The following CORO7 variants were observed in gnomAD, a reference collection of about 807,000 sequenced individuals.
CORO7 encodes the protein coronin-7.
CORO7 carries 107 observed loss-of-function variants against 126.6 expected under a neutral mutation model. The observed-to-expected ratio is 0.85, with a 90% CI of 0.72 to 0.99. The LOEUF is 0.99. Among genes scored for constraint, CORO7 ranks in the 50% least tolerant of loss-of-function variants. The probability of loss-of-function intolerance (pLI) is 0.00; values close to 1 mark genes in which losing one functional copy is unlikely to be tolerated. For synonymous variants in CORO7, 603 were observed against 536.8 expected (o/e 1.12, Z -1.70); for missense variants, 1,314 against 1,255.8 (o/e 1.05, Z -0.70).
rs1307501673 is a variant in CORO7, at chr16:4,412,429, A to C, written c.159T>G (p.Gly53=). ...CTTGCAGAGGCACAATGCCCAGTACACCTGTTAAACAAACACGGGGACTCT... is the reference window on the plus strand; with the variant it reads ...CTTGCAGAGGCACAATGCCCAGTACCCCTGTTAAACAAACACGGGGACTCT... ...SLIAFNSDRP[G]VLGIVPLQGQ... is the part of the protein sequence containing the mutation. The change falls in exon 3 of 28, where the codon GGT becomes GGG. Residue 53 remains glycine (G), a splice_region_variant and synonymous_variant. Transcript: ENST00000251166. 1.9e-6 allele frequency: 3 copies of C among 1,614,008 alleles called. No individual in the cohort carries two copies. Among genetic ancestry groups the C allele is most frequent in the Admixed American group, 3.3e-5 (2 of 59,998 alleles).
rs1006144665 is a variant in CORO7 at position 4,355,065 on chromosome 16, G to C, written c.*93C>G. 6 of 1,371,092 alleles carry C rather than the reference G, an allele frequency of 4.4e-6. No homozygotes were observed. The allele number at this position is 1,371,092 out of a possible 1,614,324, so 84.9% of individuals were successfully genotyped here. A position where few individuals can be genotyped will look rare whatever the true frequency, so the allele number is the denominator to read the frequency against. The stretch of plus-strand genomic sequence containing the variant: ...GGAGTGCAGGGGTGACATGTGCCGG[G>C]GCCAGAGAGGTATCTTCCAGCTTGA... On this transcript the variant is annotated 3_prime_UTR_variant, in exon 28 of 28. Transcript: ENST00000251166.
intron 9 of CORO7, among the ~76,000 whole-genome samples, chr16:4,369,003 A>C (rs1033996411): frequency 3.3e-5 from 5 of 152,170 alleles, no homozygotes; most frequent in African/African-American, 9.7e-5. Flanking sequence ...ACCTCATGGC[A>C]TCAGAGGCTC....
chr16:4,371,184 C>T (rs759951459), intron 9 of CORO7, among the ~76,000 whole-genome samples: 74 of 152,244 alleles, frequency 4.9e-4, no homozygotes, highest in Non-Finnish European at 2.4e-4. Context: ...CCCTCCCTGA[C>T]ACAGCCCCTT....
chr16:4,362,191 G>T lies in CORO7; in HGVS notation c.1403-31C>A. 2 of 1,592,284 alleles carry T rather than the reference G, an allele frequency of 1.3e-6. No homozygotes were observed. ...AGGTGGCAGGGACATGGAACCACGTGTGAGGATGCCGTCCCCGCCCGCCCT... is the reference window on the plus strand; with the variant it reads ...AGGTGGCAGGGACATGGAACCACGTTTGAGGATGCCGTCCCCGCCCGCCCT... On this transcript the variant is annotated intron_variant, in intron 15 of 27. Transcript: ENST00000251166. This position sits in a 1 kb window ranked among gnomAD's most constrained non-coding sequence, Gnocchi z 5.3.
chr16:4,357,124 C>T (rs1193041019), intron 26 of CORO7, 44 bp downstream of exon 26: 31 of 1,611,168 alleles, frequency 1.9e-5, no homozygotes, highest in Non-Finnish European at 2.6e-5. Flanking sequence ...CAGGTGCAGC[C>T]AGGACTCTGT....
chr16:4,402,583 G>A (rs869481), intron 6 of CORO7, among the ~76,000 whole-genome samples: 75,943 of 152,034 alleles, frequency 0.5, 22,658 homozygotes, highest in Non-Finnish European at 0.67. Context: ...TGCGGACAGC[G>A]CCACCCCTGG....
chr16:4,384,315 C>A (rs578231847), intron 9 of CORO7, among the ~76,000 whole-genome samples: 1 of 152,356 alleles, frequency 6.6e-6, no homozygotes, highest in East Asian at 1.9e-4. Flanking sequence ...AGGAAGGCTG[C>A]ATGCTGAGGT....
At chr16:4,392,865 C>G (rs535138944) in intron 7 of CORO7, among the ~76,000 whole-genome samples, 1 of 152,342 alleles carries the variant, frequency 6.6e-6, no homozygotes, top group Non-Finnish European at 1.5e-5. Context: ...GCACAGGCCC[C>G]AGCCAGCAGC....
At chr16:4,415,085 C>T (rs1474433778) in intron 1 of CORO7, among the ~76,000 whole-genome samples, 2 of 152,074 alleles carry the variant, frequency 1.3e-5, no homozygotes, top group Non-Finnish European at 2.9e-5. Flanking sequence ...CCAGGCTGGT[C>T]TCGAACTCCT....
intron 9 of CORO7, among the ~76,000 whole-genome samples, chr16:4,387,518 C>G (rs1458169102): frequency 6.6e-6 from 1 of 151,766 alleles, no homozygotes; most frequent in Non-Finnish European, 1.5e-5. Context: ...CCGCATAAGC[C>G]AAGGCCCACC....
chr16:4,360,592 T>G, intron 19 of CORO7, 44 bp from the exon 20 acceptor site: 1 of 1,550,738 alleles, frequency 6.4e-7, no homozygotes, highest in Non-Finnish European at 8.7e-7. Flanking sequence ...GCTTCACTGC[T>G]GGCCCCACCT....
At chr16:4,381,808 C>T in intron 9 of CORO7, 1 of 1,600,476 alleles carries the variant, frequency 6.2e-7, no homozygotes, top group Non-Finnish European at 8.5e-7. Flanking sequence ...CTGGTTTGGC[C>T]CCTGGGTGCG....
intron 11 of CORO7, 24 bp from the exon 12 acceptor site, chr16:4,364,944 C>T (rs764609024): frequency 1.4e-5 from 22 of 1,608,472 alleles, no homozygotes; most frequent in Non-Finnish European, 1.7e-5. Context: ...CATAGGGGAA[C>T]AGGCAGGATG....
rs758422020 is a variant in CORO7 at position 4,362,578 on chromosome 16, C to T, written c.1402+34G>A. 13 of 1,520,304 alleles carry T rather than the reference C, an allele frequency of 8.6e-6. No homozygotes were observed. Among genetic ancestry groups the T allele is most frequent in the South Asian group, 5.2e-5 (4 of 76,872 alleles). The allele number at this position is 1,520,304 out of a possible 1,614,324, so 94.2% of individuals were successfully genotyped here. A position where few individuals can be genotyped will look rare whatever the true frequency, so the allele number is the denominator to read the frequency against. On this transcript the variant is annotated intron_variant, in intron 15 of 27. Coordinates refer to ENST00000251166, the MANE Select transcript of CORO7 (RefSeq NM_024535.5). The surrounding 1 kb of genome is among the most constrained non-coding windows in gnomAD (Gnocchi z 5.3). Reference sequence around the variant, plus strand: ...GGGAGTGGGGCAGACAGGGCTCCTGCGGTAGGGGTGAGCTCCCCGTCCTGC... The same window carrying T: ...GGGAGTGGGGCAGACAGGGCTCCTGTGGTAGGGGTGAGCTCCCCGTCCTGC...
At chr16:4,400,721 G>A (rs1282750937) in intron 6 of CORO7, among the ~76,000 whole-genome samples, 1 of 151,830 alleles carries the variant, frequency 6.6e-6, no homozygotes, top group East Asian at 1.9e-4. Context: ...ACAGGAGGCT[G>A]AGGCATGAGA....
Position 4,361,411 on chromosome 16 carries a change from G to A in CORO7, c.1637C>T (p.Ala546Val), listed in dbSNP as rs940664989. The A allele has an allele frequency of 6.2e-7, 1 of 1,611,858 alleles. No individual in the cohort carries two copies. The highest frequency in any genetic ancestry group is 8.5e-7 in the Non-Finnish European group (1 of 1,179,732). Residue 546 changes from alanine to valine, a missense_variant, in exon 17 of 28, where the codon GCT (alanine) becomes GTT (valine). By Grantham distance (64) the Ala-to-Val change is moderately conservative (BLOSUM62 0). Coordinates refer to ENST00000251166, the MANE Select transcript of CORO7 (RefSeq NM_024535.5). ...TALPTLQNGA[A>V]VTDLAWDPFD... ...GGGGTCCCAGGCCAGATCAGTCACAGCTGCCCCATTCTGCAGCGTGGGCAG... is the reference window on the plus strand; with the variant it reads ...GGGGTCCCAGGCCAGATCAGTCACAACTGCCCCATTCTGCAGCGTGGGCAG...
intron 6 of CORO7, among the ~76,000 whole-genome samples, chr16:4,395,878 G>C (rs1343421959): frequency 2.0e-5 from 3 of 152,182 alleles, no homozygotes; most frequent in African/African-American, 7.2e-5. Context: ...TATTGATTCA[G>C]ATTATCCAAA....
At chr16:4,376,885 C>T (rs2054750965) in intron 9 of CORO7, among the ~76,000 whole-genome samples, 1 of 152,184 alleles carries the variant, frequency 6.6e-6, no homozygotes, top group African/African-American at 2.4e-5. Context: ...GTAAAGCTGG[C>T]CTGAAACCCT....
At chr16:4,372,494 T>G (rs1031648185) in intron 9 of CORO7, among the ~76,000 whole-genome samples, 1 of 151,262 alleles carries the variant, frequency 6.6e-6, no homozygotes. Flanking sequence ...GGGCGGGGAG[T>G]GGCTGGTGGG....
Sources: gnomAD v4.1 joint callset for allele counts (sites outside exome capture counted in the v4.1 genomes callset) on GRCh38, gnomAD v4.1.1 for gene constraint, Gnocchi (gnomAD v3.1) non-coding constraint, MANE v1.5 for transcripts, NCBI Gene and HGNC (gene_info 2026-07-23, HGNC 2026-07-21) for gene names.